The following ZBTB7C variants were observed in gnomAD, a reference collection of about 807,000 sequenced individuals.
The protein encoded by ZBTB7C is zinc finger and BTB domain containing 7C.
Under a neutral mutation model 25.7 loss-of-function variants are expected in ZBTB7C, and 8 were observed. The ratio of observed to expected loss-of-function variants is 0.31; its 90% CI spans 0.18 to 0.56. The LOEUF (loss-of-function observed/expected upper bound fraction) is 0.56, where lower values mean the gene tolerates loss of function less well. Among genes scored for constraint, ZBTB7C ranks in the 20% least tolerant of loss-of-function variants. The pLI, the probability that ZBTB7C is intolerant of heterozygous loss-of-function variation, is 0.91. For synonymous variants in ZBTB7C, 394 were observed against 369.0 expected, an observed-to-expected ratio of 1.07 and a Z score of -0.78; for missense variants, 824 against 855.2, an observed-to-expected ratio of 0.96 and a Z score of 0.46.
intron 3 of ZBTB7C, among the ~76,000 whole-genome samples, chr18:48,106,850 G>T (rs2039047262): frequency 6.6e-6 from 1 of 152,032 alleles, no homozygotes; most frequent in African/African-American, 2.4e-5. Flanking sequence ...AATGGGGTGG[G>T]GATGGGACCT....
chr18:48,310,793 C>G (rs2045800737), intron 2 of ZBTB7C, among the ~76,000 whole-genome samples: 1 of 152,192 alleles, frequency 6.6e-6, no homozygotes, highest in African/African-American at 2.4e-5. Context: ...TTTCACTTGG[C>G]AACTCAGGCT....
At chr18:48,232,214 T>C (rs557834353) in intron 2 of ZBTB7C, among the ~76,000 whole-genome samples, 11 of 152,322 alleles carry the variant, frequency 7.2e-5, no homozygotes, top group Admixed American at 5.9e-4. Context: ...AATGTGAAGA[T>C]AGAGGCAAAG....
chr18:48,235,740 G>A (rs528757395), intron 2 of ZBTB7C, among the ~76,000 whole-genome samples: 257 of 151,944 alleles, frequency 1.7e-3, no homozygotes, highest in African/African-American at 5.9e-3. Context: ...ATTACCCCCC[G>A]CCTCAGCACT....
At chr18:48,072,892 C>T (rs987212118) in intron 3 of ZBTB7C, among the ~76,000 whole-genome samples, 1 of 152,216 alleles carries the variant, frequency 6.6e-6, no homozygotes, top group South Asian at 2.1e-4. Context: ...GCCTTCCCGA[C>T]AGAGCCACTT....
Position 48,385,171 on chromosome 18 carries a change from C to T in ZBTB7C, c.-304+24055G>A, listed in dbSNP as rs571900431. ...CCTTCAGATGGGGTTACCGCGATGG[C>T]CTTGGAGTTGAGGTGAGCAGCAGGG... On this transcript the variant is annotated intron_variant, in intron 1 of 4. Coordinates refer to ENST00000590800, the MANE Select transcript of ZBTB7C (RefSeq NM_001318841.2). Among the ~76,000 whole-genome samples the T allele has an allele frequency of 2.6e-5, 4 of 152,280 alleles. No homozygotes were observed. The East Asian group carries it at 7.7e-4, about 29-fold the overall frequency.
chr18:48,336,620 G>A, intron 2 of ZBTB7C, among the ~76,000 whole-genome samples: 1 of 152,182 alleles, frequency 6.6e-6, no homozygotes. Context: ...GTAAACATTA[G>A]TAACATAGGA....
At chr18:48,140,778 CCT>C (rs2040316568) in intron 3 of ZBTB7C, among the ~76,000 whole-genome samples, 1 of 152,106 alleles carries the variant, frequency 6.6e-6, no homozygotes, top group Non-Finnish European at 1.5e-5. Context: ...TTGCTGCCTC[CCT>C]GTCCTTCCTG....
Position 48,076,870 on chromosome 18 carries a change from C to T in ZBTB7C, c.-16-35747G>A, listed in dbSNP as rs570101193. The stretch of plus-strand genomic sequence containing the variant: ...TAGTCATTATGCCCTGCCCAAAGCC[C>T]GAACCATGATCCCTTTTCCAACAAA... On this transcript the variant is annotated intron_variant, in intron 3 of 4. Transcript: ENST00000590800. 3.4e-4 allele frequency: 317 copies of T among 929,210 alleles called. 1 individual carries two copies. Among genetic ancestry groups the T allele is most frequent in the East Asian group, 4.7e-4 (4 of 8,530 alleles). 57.6% of individuals were successfully genotyped at this position (929,210 alleles called of 1,614,324 possible).
At chr18:48,302,351 A>G (rs1275715532) in intron 2 of ZBTB7C, among the ~76,000 whole-genome samples, 1 of 152,120 alleles carries the variant, frequency 6.6e-6, no homozygotes, top group Non-Finnish European at 1.5e-5. Context: ...CACTAACTCA[A>G]TCCCAGCCTT....
At chr18:48,278,806 G>A (rs1309406755) in intron 2 of ZBTB7C, among the ~76,000 whole-genome samples, 1 of 152,136 alleles carries the variant, frequency 6.6e-6, no homozygotes, top group Non-Finnish European at 1.5e-5. Flanking sequence ...GGTTTGCCAC[G>A]TGGCAATAAA....
chr18:48,044,437 G>A (rs897524950), intron 3 of ZBTB7C, among the ~76,000 whole-genome samples: 1 of 152,248 alleles, frequency 6.6e-6, no homozygotes, highest in African/African-American at 2.4e-5. Flanking sequence ...GAGGGCTTAG[G>A]AAACCAGGGC....
intron 2 of ZBTB7C, among the ~76,000 whole-genome samples, chr18:48,218,478 G>A (rs144645882): frequency 1.0e-3 from 155 of 152,336 alleles, no homozygotes; most frequent in African/African-American, 3.5e-3. Context: ...CAGTAAAGGC[G>A]TGCACACGCA....
At chr18:48,247,633 C>T (rs557889013) in intron 2 of ZBTB7C, among the ~76,000 whole-genome samples, 5 of 152,192 alleles carry the variant, frequency 3.3e-5, no homozygotes, top group Admixed American at 6.5e-5. Context: ...CCCTGTTTCT[C>T]AGTGATATGC....
intron 1 of ZBTB7C, among the ~76,000 whole-genome samples, chr18:48,401,909 C>T (rs564191733): frequency 2.0e-5 from 3 of 152,146 alleles, no homozygotes; most frequent in South Asian, 2.1e-4. Context: ...CACAGTCAAC[C>T]GTCCCATCCT....
chr18:48,037,347 G>A (rs189817751), intron 4 of ZBTB7C, among the ~76,000 whole-genome samples: 192 of 152,314 alleles, frequency 1.3e-3, no homozygotes, highest in Admixed American at 4.2e-3. Flanking sequence ...CTGGGAGTGG[G>A]GACTGCAGAC....
At position 48,114,055 on chromosome 18, in the gene ZBTB7C, C is replaced by T. The variant is rs1007578062; in HGVS notation, c.-17+71879G>A. Among the ~76,000 whole-genome samples, 59 of 152,110 alleles carry T rather than the reference C, an allele frequency of 3.9e-4. 2 individuals carry two copies. Among genetic ancestry groups the T allele is most frequent in the Admixed American group, 3.9e-3 (59 of 15,278 alleles). On this transcript the variant is annotated intron_variant, in intron 3 of 4. Transcript: ENST00000590800. ...TAGAGGCAGTACTTCTGCCCTCCACCGTGGTCATCTTCATGGGGGGTTTGG... is the reference window on the plus strand; with the variant it reads ...TAGAGGCAGTACTTCTGCCCTCCACTGTGGTCATCTTCATGGGGGGTTTGG...
intron 1 of ZBTB7C, among the ~76,000 whole-genome samples, chr18:48,360,514 G>C (rs760829777): frequency 6.6e-6 from 1 of 152,322 alleles, no homozygotes; most frequent in Non-Finnish European, 1.5e-5. Flanking sequence ...CTAGGCAGGC[G>C]GGCCAGGGCC....
At chr18:48,378,890 A>G (rs2047578964) in intron 1 of ZBTB7C, among the ~76,000 whole-genome samples, 1 of 152,216 alleles carries the variant, frequency 6.6e-6, no homozygotes, top group South Asian at 2.1e-4. Context: ...AAAGACAGAG[A>G]TGGAAAAGAG....
chr18:48,280,155 T>C (rs1254000146), intron 2 of ZBTB7C, among the ~76,000 whole-genome samples: 1 of 152,084 alleles, frequency 6.6e-6, no homozygotes, highest in African/African-American at 2.4e-5. Context: ...GAGCATGTAT[T>C]GGAGGGTGCT....
Sources: allele counts gnomAD v4.1 joint callset (sites outside exome capture counted in the v4.1 genomes callset), GRCh38; gene constraint gnomAD v4.1.1; transcripts MANE v1.5; gene names NCBI Gene and HGNC (gene_info 2026-07-23, HGNC 2026-07-21).